The following DEPTOR variants were observed in gnomAD, a reference collection of about 807,000 sequenced individuals.
DEPTOR encodes DEP domain-containing mTOR-interacting protein.
In DEPTOR, 41 loss-of-function variants were observed where a neutral mutation model predicts 41.6. That is an observed-to-expected ratio of 0.98 (90% CI 0.77 to 1.28). The LOEUF is 1.28. Among genes scored for constraint, DEPTOR ranks in the 50% most tolerant of loss-of-function variants. DEPTOR has a pLI of 0.00. For missense variants in DEPTOR, 514 were observed against 527.9 expected (o/e 0.97, Z 0.26); for synonymous variants, 195 against 192.3 (o/e 1.01, Z -0.12).
chr8:119,887,738 CA>C (rs143302328), intron 1 of DEPTOR, among the ~76,000 whole-genome samples: 2,781 of 151,666 alleles, frequency 0.018, 84 homozygotes, highest in African/African-American at 0.063. Context: ...GACCTGACCT[CA>C]AGTGATCCGC....
intron 3 of DEPTOR, among the ~76,000 whole-genome samples, chr8:119,933,997 C>A (rs976525311): frequency 6.6e-6 from 1 of 152,032 alleles, no homozygotes; most frequent in Non-Finnish European, 1.5e-5. Flanking sequence ...CTCATGCCTC[C>A]GCCTCCCAAG....
intron 4 of DEPTOR, among the ~76,000 whole-genome samples, chr8:119,971,104 C>T (rs953909924): frequency 1.3e-4 from 19 of 151,988 alleles, no homozygotes; most frequent in East Asian, 7.8e-4. Flanking sequence ...TGGTGGCAGG[C>T]GCTTTGCAGT....
At chr8:119,980,658 C>A (rs2130018656) in intron 4 of DEPTOR, among the ~76,000 whole-genome samples, 1 of 151,962 alleles carries the variant, frequency 6.6e-6, no homozygotes, top group South Asian at 2.1e-4. Flanking sequence ...GCTGGGATTA[C>A]AGGCATGTGC....
chr8:119,914,352 T>G (rs1213396308), intron 1 of DEPTOR, among the ~76,000 whole-genome samples: 1 of 151,878 alleles, frequency 6.6e-6, no homozygotes, highest in Non-Finnish European at 1.5e-5. Flanking sequence ...TCTTATTTAT[T>G]TCATAATGCA....
At chr8:119,933,929 A>C (rs1484582314) in intron 3 of DEPTOR, among the ~76,000 whole-genome samples, 1 of 151,966 alleles carries the variant, frequency 6.6e-6, no homozygotes, top group Non-Finnish European at 1.5e-5. Context: ...ACCCAGGCTG[A>C]AGTGCAGTGG....
intron 1 of DEPTOR, among the ~76,000 whole-genome samples, chr8:119,875,879 G>T (rs529599869): frequency 6.6e-6 from 1 of 152,184 alleles, no homozygotes; most frequent in Non-Finnish European, 1.5e-5. Flanking sequence ...TTTTGGGACA[G>T]GTAAAATGGG....
intron 1 of DEPTOR, among the ~76,000 whole-genome samples, chr8:119,910,957 A>T (rs963587968): frequency 1.6e-4 from 25 of 151,868 alleles, no homozygotes; most frequent in Admixed American, 1.4e-3. Flanking sequence ...GTGTGTGTGT[A>T]TGTTTGTGTA....
intron 3 of DEPTOR, among the ~76,000 whole-genome samples, chr8:119,936,588 G>C (rs1828116626): frequency 6.6e-6 from 1 of 152,192 alleles, no homozygotes; most frequent in Admixed American, 6.5e-5. Context: ...TTTAATGACT[G>C]AGATAGACCC....
At chr8:119,939,958 C>G (rs1828180634) in intron 3 of DEPTOR, among the ~76,000 whole-genome samples, 1 of 151,978 alleles carries the variant, frequency 6.6e-6, no homozygotes, top group Non-Finnish European at 1.5e-5. Flanking sequence ...TGGCTCACAC[C>G]TGTAATCCCA....
At chr8:119,979,272 A>G (rs147457380) in intron 4 of DEPTOR, among the ~76,000 whole-genome samples, 106 of 152,208 alleles carry the variant, frequency 7.0e-4, no homozygotes, top group African/African-American at 2.2e-3. Context: ...AGAACTTTTC[A>G]TCCAGCTTTT....
rs1252623151 is a variant in DEPTOR, at chr8:120,014,066, T to C, written c.1101+4933T>C. 3.3e-5 allele frequency among the ~76,000 whole-genome samples: 5 copies of C among 152,296 alleles called. 1 individual carries two copies. In the South Asian group the frequency reaches 6.2e-4, roughly 19 times the overall value. On this transcript the variant is annotated intron_variant, in intron 8 of 8. Coordinates refer to ENST00000286234, the MANE Select transcript of DEPTOR (RefSeq NM_022783.4). ...GTTGGCTAGGCTTGACCAAGCATCT[T>C]TGAATTTGAGCTACTCTTATTTTGA...
At chr8:119,934,474 T>G (rs1828084730) in intron 3 of DEPTOR, among the ~76,000 whole-genome samples, 1 of 152,192 alleles carries the variant, frequency 6.6e-6, no homozygotes. Flanking sequence ...GCCTGGGTCT[T>G]CCATCCCAGC....
At chr8:120,038,579 T>C (rs1813012665) in intron 8 of DEPTOR, among the ~76,000 whole-genome samples, 1 of 137,852 alleles carries the variant, frequency 7.3e-6, no homozygotes, top group Non-Finnish European at 1.5e-5. Context: ...TGTGACAAAG[T>C]GAGACCCTAT....
chr8:120,024,778 T>C (rs1812773623), intron 8 of DEPTOR, among the ~76,000 whole-genome samples: 2 of 152,092 alleles, frequency 1.3e-5, no homozygotes, highest in African/African-American at 2.4e-5. Flanking sequence ...GCATCCAGAA[T>C]GTGAGACAAA....
intron 8 of DEPTOR, 51 bp downstream of exon 8, chr8:120,009,184 T>G: frequency 1.3e-6 from 2 of 1,520,560 alleles, no homozygotes; most frequent in East Asian, 2.3e-5. Flanking sequence ...GGGTTCTTCA[T>G]GCTAAATTGG....
chr8:119,879,064 C>T (rs1403396972), intron 1 of DEPTOR, among the ~76,000 whole-genome samples: 3 of 151,460 alleles, frequency 2.0e-5, no homozygotes, highest in Non-Finnish European at 4.4e-5. Context: ...GAGCCGAGAT[C>T]GCGCCAATGC....
chr8:119,979,597 T>C (rs1404480857), intron 4 of DEPTOR, among the ~76,000 whole-genome samples: 1 of 152,138 alleles, frequency 6.6e-6, no homozygotes, highest in Non-Finnish European at 1.5e-5. Context: ...CTTTACTTTT[T>C]TCTCCTCTGA....
chr8:120,037,650 C>T (rs118177327), intron 8 of DEPTOR, among the ~76,000 whole-genome samples: 1,929 of 152,258 alleles, frequency 0.013, 28 homozygotes, highest in Non-Finnish European at 0.015. Flanking sequence ...GTCCTAATGT[C>T]ACTCTAGCAG....
rs143315525 is a variant in DEPTOR, at chr8:119,907,822, A to G, written c.123-20578A>G. Among the ~76,000 whole-genome samples, 51 of 152,238 alleles carry G rather than the reference A, an allele frequency of 3.4e-4. No individual in the cohort carries two copies. In the East Asian group the frequency reaches 5.6e-3, roughly 17 times the overall value. Reference sequence around the variant, plus strand: ...GAAGAAAATAAGAATCCATGAATCAATGGAGGGCAATTGAGTTACTGTGAT... The same window carrying G: ...GAAGAAAATAAGAATCCATGAATCAGTGGAGGGCAATTGAGTTACTGTGAT... On this transcript the variant is annotated intron_variant, in intron 1 of 8. Transcript: ENST00000286234.
Sources: allele counts gnomAD v4.1 joint callset (sites outside exome capture counted in the v4.1 genomes callset), GRCh38; gene constraint gnomAD v4.1.1; transcripts MANE v1.5; gene names NCBI Gene and HGNC (gene_info 2026-07-23, HGNC 2026-07-21).